DNAJC1: variants seen among roughly 807,000 people sequenced by gnomAD.
DNAJC1 encodes the protein DnaJ heat shock protein family (Hsp40) member C1, also known as dnaJ homolog subfamily C member 1.
Under a neutral mutation model 76.6 loss-of-function variants are expected in DNAJC1, and 58 were observed. The observed-to-expected ratio is 0.76, with a 90% CI of 0.61 to 0.94. DNAJC1 has a LOEUF of 0.94. Ranked by LOEUF, DNAJC1 falls within the 40% of genes least tolerant of loss-of-function variation. The pLI is 0.00. For missense variants in DNAJC1, 689 were observed against 677.3 expected (o/e 1.02, Z -0.19); for synonymous variants, 258 against 267.9 (o/e 0.96, Z 0.36).
intron 1 of DNAJC1, among the ~76,000 whole-genome samples, chr10:21,941,372 G>A (rs775618505): frequency 6.7e-6 from 1 of 149,708 alleles, no homozygotes; most frequent in Admixed American, 6.6e-5. Context: ...AGGCAGATTT[G>A]TGACAACTAG....
At chr10:21,912,136 T>A (rs537754086) in intron 6 of DNAJC1, among the ~76,000 whole-genome samples, 1 of 152,282 alleles carries the variant, frequency 6.6e-6, no homozygotes, top group African/African-American at 2.4e-5. Flanking sequence ...GTTCTAGTTA[T>A]CGACCTGGGG....
intron 1 of DNAJC1, among the ~76,000 whole-genome samples, chr10:21,949,403 C>A (rs1460695093): frequency 8.8e-6 from 1 of 113,360 alleles, no homozygotes; most frequent in Non-Finnish European, 1.7e-5. Flanking sequence ...TCCCCCCACC[C>A]CCTTCTTCTT....
At chr10:21,916,195 T>C (rs1836952157) in intron 6 of DNAJC1, among the ~76,000 whole-genome samples, 1 of 152,120 alleles carries the variant, frequency 6.6e-6, no homozygotes, top group South Asian at 2.1e-4. Context: ...TGGACTCTTA[T>C]TTAAAAATAA....
intron 8 of DNAJC1, among the ~76,000 whole-genome samples, chr10:21,873,752 C>T (rs1836142150): frequency 6.6e-6 from 1 of 152,134 alleles, no homozygotes; most frequent in South Asian, 2.1e-4. Flanking sequence ...AATTCCTTTT[C>T]TTTTTAAAAA....
At chr10:21,877,467 C>T (rs1836205760) in intron 8 of DNAJC1, among the ~76,000 whole-genome samples, 1 of 151,894 alleles carries the variant, frequency 6.6e-6, no homozygotes, top group Non-Finnish European at 1.5e-5. Flanking sequence ...ACAGAAAGAA[C>T]TCTTTATAAT....
chr10:21,948,988 T>C lies in DNAJC1; in HGVS notation c.223-19847A>G, dbSNP rs1014614898. On this transcript the variant is annotated intron_variant, in intron 1 of 11. Transcript: ENST00000376980. ...AAATTGTATCTGTCCCAGCAGGAAGTCAGACCTTATCAGTTACAGTGGAGG... is the reference window on the plus strand; with the variant it reads ...AAATTGTATCTGTCCCAGCAGGAAGCCAGACCTTATCAGTTACAGTGGAGG... Among the ~76,000 whole-genome samples the C allele has an allele frequency of 2.1e-4, 32 of 152,344 alleles. 1 individual carries two copies. The highest frequency in any genetic ancestry group is 1.9e-3 in the Admixed American group (29 of 15,306).
intron 9 of DNAJC1, among the ~76,000 whole-genome samples, chr10:21,798,259 C>G (rs1385382152): frequency 6.6e-6 from 1 of 152,218 alleles, no homozygotes; most frequent in Non-Finnish European, 1.5e-5. Context: ...GAAATAGCCT[C>G]TTACCTGGCC....
chr10:21,762,478 T>C (rs1349700153), intron 10 of DNAJC1, among the ~76,000 whole-genome samples: 2 of 152,208 alleles, frequency 1.3e-5, no homozygotes, highest in Non-Finnish European at 2.9e-5. Flanking sequence ...AAAGGATACA[T>C]CTATCCACAT....
chr10:21,825,208 T>C (rs1295975105), intron 8 of DNAJC1, among the ~76,000 whole-genome samples: 1 of 152,252 alleles, frequency 6.6e-6, no homozygotes, highest in East Asian at 1.9e-4. Flanking sequence ...TCTATACTTA[T>C]TAAACAATAA....
chr10:21,756,834 T>G, intron 11 of DNAJC1, 79 bp from the exon 12 acceptor site: 1 of 1,372,448 alleles, frequency 7.3e-7, no homozygotes, highest in Non-Finnish European at 1.0e-6. Context: ...GTCTGCTGGC[T>G]TCTGCTCATG....
At chr10:21,870,546 G>T (rs1035304336) in intron 8 of DNAJC1, among the ~76,000 whole-genome samples, 1 of 152,134 alleles carries the variant, frequency 6.6e-6, no homozygotes, top group Non-Finnish European at 1.5e-5. Flanking sequence ...GGCTGAGATA[G>T]GAGGACTGCT....
At chr10:21,965,590 G>T (rs1564840156) in intron 1 of DNAJC1, among the ~76,000 whole-genome samples, 1 of 152,214 alleles carries the variant, frequency 6.6e-6, no homozygotes, top group East Asian at 1.9e-4. Flanking sequence ...CTCAGACTTG[G>T]GAGTGTCCAG....
intron 8 of DNAJC1, among the ~76,000 whole-genome samples, chr10:21,880,432 C>A (rs1383482999): frequency 1.3e-5 from 2 of 152,134 alleles, no homozygotes; most frequent in Non-Finnish European, 2.9e-5. Flanking sequence ...TCTATGGCAC[C>A]TACAGCCTTA....
At chr10:21,758,556 G>C (rs918993852) in intron 11 of DNAJC1, among the ~76,000 whole-genome samples, 1 of 152,250 alleles carries the variant, frequency 6.6e-6, no homozygotes, top group Non-Finnish European at 1.5e-5. Context: ...AACGGCCACG[G>C]CCGTGGAAAG....
chr10:21,794,046 G>A (rs554264310), intron 9 of DNAJC1, among the ~76,000 whole-genome samples: 3 of 152,256 alleles, frequency 2.0e-5, no homozygotes, highest in East Asian at 1.9e-4. Context: ...AGGCTGAGGC[G>A]GGAGGATCGC....
chr10:21,883,842 AAAGTCAAAAAATTGT>A (rs1564816900), intron 7 of DNAJC1, among the ~76,000 whole-genome samples: 1 of 152,304 alleles, frequency 6.6e-6, no homozygotes, highest in Non-Finnish European at 1.5e-5. Flanking sequence ...GCACTATCAT[AAAGTCAAAAAATTGT>A]AAGTCAAATC....
At chr10:21,788,054 G>A (rs1354499884) in intron 9 of DNAJC1, among the ~76,000 whole-genome samples, 1 of 152,216 alleles carries the variant, frequency 6.6e-6, no homozygotes, top group Non-Finnish European at 1.5e-5. Context: ...TGGCTCAGCT[G>A]TGAGCACCTT....
At chr10:21,757,112 C>A (rs1356499998) in intron 11 of DNAJC1, among the ~76,000 whole-genome samples, 1 of 152,216 alleles carries the variant, frequency 6.6e-6, no homozygotes, top group Non-Finnish European at 1.5e-5. Context: ...AAATCAAAAA[C>A]CCTGGGGCCA....
intron 7 of DNAJC1, among the ~76,000 whole-genome samples, chr10:21,897,861 A>G (rs1475894734): frequency 6.6e-6 from 1 of 152,236 alleles, no homozygotes; most frequent in South Asian, 2.1e-4. Flanking sequence ...ATAGTACCAA[A>G]ATTCTAGCTA....
Sources: allele counts gnomAD v4.1 joint callset (sites outside exome capture counted in the v4.1 genomes callset), GRCh38; gene constraint gnomAD v4.1.1; transcripts MANE v1.5; gene names NCBI Gene and HGNC (gene_info 2026-07-23, HGNC 2026-07-21).